Variants in GJA3 observed in about 807,000 individuals in gnomAD.
GJA3 encodes gap junction alpha-3 protein.
For synonymous variants in GJA3, 297 were observed against 292.6 expected, an observed-to-expected ratio of 1.02 and a Z score of -0.15; for missense variants, 571 against 620.3, an observed-to-expected ratio of 0.92 and a Z score of 0.84.
chr13:20,158,564 G>A (rs1958918562), intron 1 of GJA3, among the ~76,000 whole-genome samples: 1 of 151,944 alleles, frequency 6.6e-6, no homozygotes, highest in Non-Finnish European at 1.5e-5. Flanking sequence ...ACATAAGAGT[G>A]TGGAAACTAT....
rs144214203 is a variant in GJA3, at chr13:20,152,536, C to G, written c.-18+8354G>C. 2.3e-3 allele frequency among the ~76,000 whole-genome samples: 345 copies of G among 152,156 alleles called. 2 individuals carry two copies. The highest frequency in any genetic ancestry group is 0.017 in the Middle Eastern group (5 of 294). On this transcript the variant is annotated intron_variant, in intron 1 of 1. Transcript: ENST00000241125. The stretch of plus-strand genomic sequence containing the variant: ...AGTAGCTGGGATTACAGGCACCCAC[C>G]ACCACACCTGGCTAATTTTTGTATT...
At position 20,143,021 on chromosome 13, in the gene GJA3, G is replaced by A. The variant is rs2141138283; in HGVS notation, c.268C>T (p.Leu90Phe). 1 of 1,611,514 alleles carries A rather than the reference G, an allele frequency of 6.2e-7. No individual in the cohort carries two copies. The highest frequency in any genetic ancestry group is 2.2e-5 in the East Asian group (1 of 44,778). ...TGCAGCACGTGGCCCAGGTAGATGA[G>A]GGTGGGCGTGGACACGAAGATGATC... ...LQIIFVSTPT[L>F]IYLGHVLHIV... is the part of the protein sequence containing the mutation. Residue 90 changes from leucine to phenylalanine, a missense_variant, in exon 2 of 2, where the codon CTC becomes TTC. Leu to Phe is a conservative substitution (Grantham distance 22). Coordinates refer to ENST00000241125, the MANE Select transcript of GJA3 (RefSeq NM_021954.4).
chr13:20,142,442 G>T lies in GJA3; in HGVS notation c.847C>A (p.Arg283Ser). 6.6e-7 allele frequency: 1 copy of T among 1,513,936 alleles called. No individual in the cohort carries two copies. Among genetic ancestry groups the T allele is most frequent in the Non-Finnish European group, 8.8e-7 (1 of 1,130,380 alleles). 93.8% of individuals were successfully genotyped at this position (1,513,936 alleles called of 1,614,324 possible). Residue 283 changes from arginine to serine, a missense_variant, in exon 2 of 2, where the codon CGC becomes AGC. By Grantham distance (110) the Arg-to-Ser change is moderately radical. Transcript: ENST00000241125. ...AHTAAPLGQA[R>S]AVGYPGAPPP... ...GGGGCCCCGGGGTAGCCCACGGCGC[G>T]GGCCTGTCCCAGGGGCGCAGCGGTG...
intron 1 of GJA3, among the ~76,000 whole-genome samples, chr13:20,158,216 G>C (rs562410872): frequency 6.6e-6 from 1 of 151,964 alleles, no homozygotes; most frequent in African/African-American, 2.4e-5. Context: ...TGATAATTAT[G>C]GTATTTTATT....
chr13:20,146,027 G>A (rs1242610685), intron 1 of GJA3, among the ~76,000 whole-genome samples: 1 of 152,224 alleles, frequency 6.6e-6, no homozygotes, highest in African/African-American at 2.4e-5. Context: ...ATCCTTTCCT[G>A]TTCCCTGTCT....
intron 1 of GJA3, among the ~76,000 whole-genome samples, chr13:20,150,763 C>G (rs921655818): frequency 6.6e-6 from 1 of 152,208 alleles, no homozygotes; most frequent in Admixed American, 6.5e-5. Context: ...CACTTGCCTC[C>G]GATGGGTGAG....
In GJA3 at chr13:20,141,989, C is replaced by A; in HGVS notation, c.1300G>T (p.Ala434Ser). The stretch of plus-strand genomic sequence containing the variant: ...AGGCAGGCACCCGGGCACTAGATGG[C>A]CAAGTCCTCCGGTCTGGCCCGCCCG... ...SSGRARPEDL[A>S]I Residue 434 changes from alanine (A) to serine (S), a missense_variant, in exon 2 of 2, where the codon GCC becomes TCC. Physicochemically the swap from Ala to Ser is moderately conservative, Grantham distance 99. Coordinates refer to ENST00000241125, the MANE Select transcript of GJA3 (RefSeq NM_021954.4). The A allele has an allele frequency of 6.5e-7, 1 of 1,550,278 alleles. No homozygotes were observed. Among genetic ancestry groups the A allele is most frequent in the Non-Finnish European group, 8.7e-7 (1 of 1,146,808 alleles).
At chr13:20,150,472 C>T (rs959975475) in intron 1 of GJA3, among the ~76,000 whole-genome samples, 2 of 152,172 alleles carry the variant, frequency 1.3e-5, no homozygotes, top group African/African-American at 2.4e-5. Context: ...TGGGGGAAGG[C>T]ACCCTCGGTC....
intron 1 of GJA3, among the ~76,000 whole-genome samples, chr13:20,150,718 T>C (rs988689909): frequency 9.3e-5 from 13 of 140,284 alleles, no homozygotes; most frequent in Non-Finnish European, 1.3e-4. Flanking sequence ...GAAGGCCCCC[T>C]GAGGCCCCGC....
rs1958820013 is a variant in GJA3 at position 20,142,880 on chromosome 13, C to A, written c.409G>T (p.Gly137Cys). 1 of 1,604,766 alleles carries A rather than the reference C, an allele frequency of 6.2e-7. No individual in the cohort carries two copies. Among genetic ancestry groups the A allele is most frequent in the Non-Finnish European group, 8.5e-7 (1 of 1,175,624 alleles). ...AGCGCCCCGGCCATGCGCACCCTGC[C>A]GCGGTCGTCCCGCGACGAGGGATTG... is the stretch of plus-strand genomic sequence containing the variant. ...QDNPSSRDDRGRVRMAGALLR... is the reference protein window; with the variant it reads ...QDNPSSRDDRCRVRMAGALLR... Residue 137 changes from glycine (G) to cysteine (C), a missense_variant, in exon 2 of 2, where the codon GGC (glycine) becomes TGC (cysteine). Physicochemically the swap from Gly to Cys is radical, Grantham distance 159. Transcript: ENST00000241125.
chr13:20,159,596 G>C (rs1039097865), intron 1 of GJA3, among the ~76,000 whole-genome samples: 3 of 151,878 alleles, frequency 2.0e-5, no homozygotes, highest in African/African-American at 7.3e-5. Context: ...AGAAAACTGG[G>C]TCAAAAATAT....
Position 20,143,317 on chromosome 13 carries a change from A to G in GJA3, c.-17-12T>C. Reference sequence around the variant, plus strand: ...TTCAGATTCCTAACCTGTAAGAGGAAAATGCTCATGAACACCGGGCTGCAA... The same window carrying G: ...TTCAGATTCCTAACCTGTAAGAGGAGAATGCTCATGAACACCGGGCTGCAA... On this transcript the variant is annotated splice_polypyrimidine_tract_variant and intron_variant, in intron 1 of 1. Transcript: ENST00000241125. 6.7e-7 allele frequency: 1 copy of G among 1,500,656 alleles called. No individual in the cohort carries two copies. The highest frequency in any genetic ancestry group is 1.4e-5 in the South Asian group (1 of 74,030). The allele number at this position is 1,500,656 out of a possible 1,614,324, so 93.0% of individuals were successfully genotyped here. A position where few individuals can be genotyped will look rare whatever the true frequency, so the allele number is the denominator to read the frequency against.
chr13:20,158,411 G>A (rs1958917686), intron 1 of GJA3, among the ~76,000 whole-genome samples: 1 of 151,786 alleles, frequency 6.6e-6, no homozygotes, highest in Non-Finnish European at 1.5e-5. Flanking sequence ...AACAGGAAAT[G>A]GAGTTTCAGG....
intron 1 of GJA3, among the ~76,000 whole-genome samples, chr13:20,150,324 C>T (rs1008162486): frequency 2.0e-5 from 3 of 151,610 alleles, no homozygotes; most frequent in Non-Finnish European, 2.9e-5. Flanking sequence ...GGCAGGACCA[C>T]GGAGCAAAGA....
chr13:20,160,527 C>A (rs1236779544), intron 1 of GJA3, among the ~76,000 whole-genome samples: 1 of 152,198 alleles, frequency 6.6e-6, no homozygotes, highest in Non-Finnish European at 1.5e-5. Context: ...CGGGACAGCC[C>A]GGCTTCCTCC....
At chr13:20,143,790 T>TA (rs1314931357) in intron 1 of GJA3, among the ~76,000 whole-genome samples, 2 of 152,246 alleles carry the variant, frequency 1.3e-5, no homozygotes, top group Non-Finnish European at 2.9e-5. Context: ...CATCAACTCT[T>TA]TATGCTTAAA....
In GJA3 at chr13:20,142,356, G is replaced by T. The variant is rs760922034; in HGVS notation, c.933C>A (p.Ser311=). Residue 311 remains serine, a synonymous_variant, in exon 2 of 2, where the codon TCC becomes TCA. Coordinates refer to ENST00000241125, the MANE Select transcript of GJA3 (RefSeq NM_021954.4). The part of the protein sequence containing the change: ...ALTEARGKGQ[S]AKLYNGHHHL... Reference sequence around the variant, plus strand: ...GGTGGTGGCCGTTGTAGAGCTTGGCGGACTGGCCCTTTCCGCGCGCCTCGG... The same window carrying T: ...GGTGGTGGCCGTTGTAGAGCTTGGCTGACTGGCCCTTTCCGCGCGCCTCGG... The T allele has an allele frequency of 2.0e-5, 31 of 1,542,492 alleles. No homozygotes were observed. In the Admixed American group the frequency reaches 5.7e-4, roughly 28 times the overall value.
At chr13:20,147,498 T>C (rs1469409161) in intron 1 of GJA3, among the ~76,000 whole-genome samples, 1 of 152,232 alleles carries the variant, frequency 6.6e-6, no homozygotes, top group African/African-American at 2.4e-5. Context: ...ACTGATGCTA[T>C]GATAAATGAC....
At chr13:20,144,006 C>G (rs1260975289) in intron 1 of GJA3, among the ~76,000 whole-genome samples, 1 of 152,196 alleles carries the variant, frequency 6.6e-6, no homozygotes, top group Non-Finnish European at 1.5e-5. Context: ...TGGGATATTG[C>G]TTGCCAAAAG....
Sources: allele counts gnomAD v4.1 joint callset (sites outside exome capture counted in the v4.1 genomes callset), GRCh38; gene constraint gnomAD v4.1.1; transcripts MANE v1.5; gene names NCBI Gene and HGNC (gene_info 2026-07-23, HGNC 2026-07-21).